Variants in YTHDF1 observed in about 807,000 individuals in gnomAD.
The protein encoded by YTHDF1 is YTH domain-containing family protein 1.
In YTHDF1, 16 loss-of-function variants were observed where a neutral mutation model predicts 49.1. The observed-to-expected ratio is 0.33, with a 90% CI of 0.22 to 0.49. The LOEUF is 0.49. Ranked by LOEUF, YTHDF1 falls within the 20% of genes least tolerant of loss-of-function variation. The pLI, the probability that YTHDF1 is intolerant of heterozygous loss-of-function variation, is 0.99. For synonymous variants in YTHDF1, 313 were observed against 290.1 expected (o/e 1.08, Z -0.80); for missense variants, 621 against 744.3 (o/e 0.83, Z 1.93).
chr20:63,211,512 G>T (rs1404267485), intron 3 of YTHDF1, among the ~76,000 whole-genome samples: 1 of 152,052 alleles, frequency 6.6e-6, no homozygotes, highest in African/African-American at 2.4e-5. Flanking sequence ...TCTTAACTGT[G>T]GCCATGGCTC....
At chr20:63,208,724 T>C (rs1364424506) in intron 3 of YTHDF1, among the ~76,000 whole-genome samples, 1 of 152,226 alleles carries the variant, frequency 6.6e-6, no homozygotes, top group Non-Finnish European at 1.5e-5. Flanking sequence ...TATTTTTAGA[T>C]GCAGCCACAA....
intron 3 of YTHDF1, among the ~76,000 whole-genome samples, chr20:63,211,613 G>A (rs374033442): frequency 7.2e-5 from 11 of 152,156 alleles, no homozygotes; most frequent in South Asian, 6.2e-4. Flanking sequence ...AAAAATAATC[G>A]ATTTGTAAAG....
intron 2 of YTHDF1, among the ~76,000 whole-genome samples, chr20:63,215,269 C>T (rs1458792771): frequency 6.6e-6 from 1 of 152,216 alleles, no homozygotes; most frequent in Non-Finnish European, 1.5e-5. Context: ...CGGAAAAAGG[C>T]AAGTCGCTCA....
At chr20:63,214,616 C>A (rs542248460) in intron 2 of YTHDF1, among the ~76,000 whole-genome samples, 26 of 152,236 alleles carry the variant, frequency 1.7e-4, no homozygotes, top group Middle Eastern at 3.4e-3. Context: ...CAACTTGAAG[C>A]AGGGAGGGGG....
Position 63,215,905 on chromosome 20 carries a change from A to G in YTHDF1, c.-13T>C. ...TGGTGGCCGACATGCTTCATGAACA[A>G]CTAGACGCGGGGCCGGGGCGCCCGC... On this transcript the variant is annotated 5_prime_UTR_variant, in exon 1 of 5. Coordinates refer to ENST00000370339, the MANE Select transcript of YTHDF1 (RefSeq NM_017798.4). 7.1e-7 allele frequency: 1 copy of G among 1,407,354 alleles called. No individual in the cohort carries two copies. Among genetic ancestry groups the G allele is most frequent in the Non-Finnish European group, 9.3e-7 (1 of 1,075,722 alleles). The allele number at this position is 1,407,354 out of a possible 1,614,324, so 87.2% of individuals were successfully genotyped here.
chr20:63,211,833 T>G (rs1026432503), intron 3 of YTHDF1, among the ~76,000 whole-genome samples: 2 of 152,096 alleles, frequency 1.3e-5, no homozygotes, highest in Non-Finnish European at 1.5e-5. Context: ...GGTGCATGCC[T>G]GTAGTCCCAG....
At chr20:63,208,226 CAG>C (rs1242509699) in intron 3 of YTHDF1, among the ~76,000 whole-genome samples, 2 of 152,192 alleles carry the variant, frequency 1.3e-5, no homozygotes, top group Admixed American at 6.5e-5. Flanking sequence ...CCAAGAGGAA[CAG>C]AGAGAAGCAT....
intron 3 of YTHDF1, among the ~76,000 whole-genome samples, chr20:63,208,637 C>G (rs2066559290): frequency 6.6e-6 from 1 of 152,212 alleles, no homozygotes; most frequent in Admixed American, 6.5e-5. Context: ...GTCCTTCCAG[C>G]TGCGTTTCTG....
chr20:63,202,142 C>G, intron 4 of YTHDF1, 145 bp downstream of exon 4: 2 of 1,100,872 alleles, frequency 1.8e-6, no homozygotes, highest in South Asian at 1.5e-5. Flanking sequence ...GACCTGGGCC[C>G]GCCCACCTGC....
rs569832090 is a variant in YTHDF1, at chr20:63,199,315, C to T, written c.1654-2581G>A. On this transcript the variant is annotated intron_variant, in intron 4 of 4. Coordinates refer to ENST00000370339, the MANE Select transcript of YTHDF1 (RefSeq NM_017798.4). ...CGGGCGGATCACGAGGTCAGGAGAT[C>T]GAGACCATCCTGGCTAACACGGTGA... Among the ~76,000 whole-genome samples the T allele has an allele frequency of 3.3e-5, 5 of 152,000 alleles. No individual in the cohort carries two copies. The East Asian group carries it at 7.8e-4, about 24-fold the overall frequency.
intron 3 of YTHDF1, among the ~76,000 whole-genome samples, chr20:63,204,580 G>A (rs965872457): frequency 1.3e-5 from 2 of 152,234 alleles, no homozygotes; most frequent in African/African-American, 4.8e-5. Context: ...TGTGGACTCT[G>A]TGCTCCGGGT....
intron 3 of YTHDF1, among the ~76,000 whole-genome samples, chr20:63,211,999 ACACACACACT>A (rs1225336111): frequency 7.6e-6 from 1 of 131,974 alleles, no homozygotes; most frequent in Non-Finnish European, 1.7e-5. Flanking sequence ...ACACACACAC[ACACACACACT>A]TTTAAGTGTA....
chr20:63,209,653 A>C lies in YTHDF1; in HGVS notation c.132+4211T>G, dbSNP rs972614719. On this transcript the variant is annotated intron_variant, in intron 3 of 4. Transcript: ENST00000370339. Reference sequence around the variant, plus strand: ...GAAGATCACTTGGGCCCAGGAGGTCAAGGCTGCAATGAGTCATGACTGCAC... The same window carrying C: ...GAAGATCACTTGGGCCCAGGAGGTCCAGGCTGCAATGAGTCATGACTGCAC... Among the ~76,000 whole-genome samples, 6 of 152,296 alleles carry C rather than the reference A, an allele frequency of 3.9e-5. No individual in the cohort carries two copies. In the East Asian group the frequency reaches 1.2e-3, roughly 29 times the overall value.
At position 63,202,358 on chromosome 20, in the gene YTHDF1, GCT is replaced by G; in HGVS notation, c.1580_1581del (p.Lys527ThrfsTer45). On this transcript the variant is annotated frameshift_variant, in exon 4 of 5. Transcript: ENST00000370339. LOFTEE classifies it high-confidence loss of function. ...AAGTCGTCGAAGATGGAGGTTGTGT[GCT>G]TGTAGGAACTGATAATTTTCAGCAC... ...KQVLKIISSY[K>X]HTTSIFDDFA... 6.2e-7 allele frequency: 1 copy of G among 1,614,272 alleles called. No homozygotes were observed. Among genetic ancestry groups the G allele is most frequent in the Non-Finnish European group, 8.5e-7 (1 of 1,180,044 alleles).
intron 4 of YTHDF1, among the ~76,000 whole-genome samples, chr20:63,198,278 CAA>C (rs766455995): frequency 9.0e-5 from 11 of 121,736 alleles, no homozygotes; most frequent in Admixed American, 1.7e-4. Flanking sequence ...ACTAAAAATA[CAA>C]AAAAAAAAAA....
At chr20:63,205,443 A>C (rs1343258266) in intron 3 of YTHDF1, among the ~76,000 whole-genome samples, 1 of 152,136 alleles carries the variant, frequency 6.6e-6, no homozygotes, top group Non-Finnish European at 1.5e-5. Context: ...AGGGCTTCAG[A>C]AATCCAATTT....
chr20:63,196,788 C>G (rs2066494602), intron 4 of YTHDF1, 54 bp from the exon 5 acceptor site: 6 of 1,609,188 alleles, frequency 3.7e-6, no homozygotes, highest in Non-Finnish European at 5.1e-6. Context: ...CAATGAATCC[C>G]TCCCAAAAGT....
intron 4 of YTHDF1, among the ~76,000 whole-genome samples, chr20:63,201,160 A>C (rs1440355399): frequency 6.6e-6 from 1 of 152,220 alleles, no homozygotes; most frequent in Non-Finnish European, 1.5e-5. Flanking sequence ...ATACTTTTCC[A>C]AAGTTCTACA....
At chr20:63,201,851 C>T (rs1449472469) in intron 4 of YTHDF1, among the ~76,000 whole-genome samples, 1 of 152,170 alleles carries the variant, frequency 6.6e-6, no homozygotes, top group African/African-American at 2.4e-5. Flanking sequence ...GGTGGGGTCT[C>T]GATGCCCTAC....
Sources: allele counts gnomAD v4.1 joint callset (sites outside exome capture counted in the v4.1 genomes callset), GRCh38; gene constraint gnomAD v4.1.1; transcripts MANE v1.5; gene names NCBI Gene and HGNC (gene_info 2026-07-23, HGNC 2026-07-21).